The following CASK variants were observed in gnomAD, a reference collection of about 807,000 sequenced individuals.
CASK encodes the protein calcium/calmodulin dependent serine protein kinase.
Under a neutral mutation model 82.9 loss-of-function variants are expected in CASK, and 4 were observed. The observed-to-expected ratio is 0.05, with a 90% CI of 0.02 to 0.11. The LOEUF (loss-of-function observed/expected upper bound fraction) is 0.11, where lower values mean the gene tolerates loss of function less well. CASK is among the 10% of genes least tolerant of loss of function. CASK has a pLI of 1.00. For missense variants in CASK, 358 were observed against 720.9 expected (o/e 0.50, Z 5.76); for synonymous variants, 259 against 253.5 (o/e 1.02, Z -0.20).
intron 12 of CASK, among the ~76,000 whole-genome samples, chrX:41,592,757 T>C (rs754164081): frequency 1.1e-4 from 12 of 111,980 alleles, no homozygotes; most frequent in Non-Finnish European, 2.3e-4. Flanking sequence ...TATTGAGCAC[T>C]TACTAGATGA....
intron 5 of CASK, chrX:41,729,972 T>C (rs1416331113): frequency 8.6e-6 from 1 of 116,712 alleles, no homozygotes; most frequent in African/African-American, 3.4e-5. Flanking sequence ...TAAGTACATA[T>C]ATTATGATTA....
chrX:41,605,141 A>C (rs1459384235), intron 12 of CASK, among the ~76,000 whole-genome samples: 1 of 112,187 alleles, frequency 8.9e-6, no homozygotes, highest in Non-Finnish European at 1.9e-5. Context: ...CAGCCTTAAA[A>C]TTATGGCTTC....
intron 3 of CASK, among the ~76,000 whole-genome samples, chrX:41,784,489 T>C (rs1208876949): frequency 8.9e-6 from 1 of 111,815 alleles, no homozygotes; most frequent in Non-Finnish European, 1.9e-5. Flanking sequence ...GGCTGAGTGA[T>C]TTGACAATAA....
At chrX:41,551,879 CAAA>C (rs1192377020) in intron 21 of CASK, among the ~76,000 whole-genome samples, 1 of 23,336 alleles carries the variant, frequency 4.3e-5, no homozygotes. Context: ...GACTCCGTCT[CAAA>C]AAAAAAAAAA....
chrX:41,770,852 GA>G (rs1333954973), intron 3 of CASK, among the ~76,000 whole-genome samples: 31 of 108,863 alleles, frequency 2.8e-4, no homozygotes, highest in East Asian at 8.6e-4. Flanking sequence ...AAAGCATGGA[GA>G]AAAAAAAACA....
At chrX:41,695,787 T>A in intron 5 of CASK, 1 of 1,209,908 alleles carries the variant, frequency 8.3e-7, no homozygotes, top group Non-Finnish European at 1.1e-6. Flanking sequence ...GGATGAAAAA[T>A]TGCTATCTAC....
At chrX:41,829,191 C>T (rs1328538746) in intron 2 of CASK, among the ~76,000 whole-genome samples, 1 of 111,202 alleles carries the variant, frequency 9.0e-6, no homozygotes, top group African/African-American at 3.3e-5. Flanking sequence ...AAATGTACAG[C>T]TTGATGAATT....
chrX:41,575,951 T>C (rs1228554513), intron 15 of CASK, among the ~76,000 whole-genome samples: 1 of 110,044 alleles, frequency 9.1e-6, no homozygotes, highest in Admixed American at 9.7e-5. Context: ...TTTTATTCAG[T>C]CTATGTTTCT....
chrX:41,586,685 T>G (rs184721457), intron 14 of CASK: 67 of 386,037 alleles, frequency 1.7e-4, no homozygotes, highest in African/African-American at 1.4e-3. Flanking sequence ...ATGAGTACAG[T>G]CCCTGAAAAG....
chrX:41,520,652 A>G, intron 26 of CASK, 56 bp from the exon 27 acceptor site: 1 of 980,554 alleles, frequency 1.0e-6, no homozygotes. Context: ...AAAAGCAAAC[A>G]GAAGAGAGAA....
intron 4 of CASK, 23 bp downstream of exon 4, chrX:41,745,501 G>A: frequency 9.6e-7 from 1 of 1,045,249 alleles, no homozygotes; most frequent in Non-Finnish European, 1.3e-6. Context: ...TTGACCTCTG[G>A]TGATTAGATA....
At chrX:41,713,613 T>G (rs1296317236) in intron 5 of CASK, among the ~76,000 whole-genome samples, 1 of 111,909 alleles carries the variant, frequency 8.9e-6, no homozygotes. Context: ...AATGAAAACA[T>G]GAGCGTAATT....
At chrX:41,592,985 AT>A (rs2065769088) in intron 12 of CASK, among the ~76,000 whole-genome samples, 1 of 111,450 alleles carries the variant, frequency 9.0e-6, no homozygotes. Context: ...CTCAGACCAA[AT>A]TTTTTTCCAC....
At chrX:41,763,772 C>G (rs1304050485) in intron 3 of CASK, among the ~76,000 whole-genome samples, 1 of 112,223 alleles carries the variant, frequency 8.9e-6, no homozygotes, top group Non-Finnish European at 1.9e-5. Context: ...CTTCAATTCT[C>G]AGTATCACCT....
intron 18 of CASK, among the ~76,000 whole-genome samples, chrX:41,557,593 T>C (rs1428279283): frequency 3.6e-5 from 4 of 112,048 alleles, no homozygotes. Flanking sequence ...AGAATCTTTC[T>C]ATTATAGAAT....
chrX:41,810,003 A>C (rs2070233611), intron 2 of CASK, among the ~76,000 whole-genome samples: 1 of 112,368 alleles, frequency 8.9e-6, no homozygotes, highest in African/African-American at 3.2e-5. Context: ...CTGAAGATCA[A>C]ATGAATGAAA....
rs1467380702 is a variant in CASK at position 41,559,794 on chromosome X, C to T, written c.1722G>A (p.Gln574=). ...GAGTCATTACCTCACAGGACGAAGACTGAGTGCGGTAACTTGGCACAATCT... is the reference window on the plus strand; with the variant it reads ...GAGTCATTACCTCACAGGACGAAGATTGAGTGCGGTAACTTGGCACAATCT... ...TFKIVPSYRT[Q]SSSCERDSPS... is the part of the protein sequence containing the mutation. Residue 574 remains glutamine, a synonymous_variant, in exon 18 of 27, where the codon CAG becomes CAA. Transcript: ENST00000378163. The T allele has an allele frequency of 5.0e-6, 6 of 1,208,528 alleles. No individual in the cohort carries two copies. The Admixed American group carries it at 1.3e-4, about 26-fold the overall frequency.
intron 6 of CASK, among the ~76,000 whole-genome samples, chrX:41,670,848 T>C (rs972782265): frequency 1.8e-5 from 2 of 112,244 alleles, no homozygotes; most frequent in Non-Finnish European, 3.8e-5. Context: ...CTATAAGGAA[T>C]TGAGTTATAT....
chrX:41,604,412 G>A (rs1226205242), intron 12 of CASK, among the ~76,000 whole-genome samples: 1 of 104,672 alleles, frequency 9.6e-6, no homozygotes, highest in Admixed American at 1.1e-4. Flanking sequence ...AGAATGACAT[G>A]TGATGACGGA....
Sources: gnomAD v4.1 joint callset for allele counts (sites outside exome capture counted in the v4.1 genomes callset) on GRCh38, gnomAD v4.1.1 for gene constraint, MANE v1.5 for transcripts, NCBI Gene and HGNC (gene_info 2026-07-23, HGNC 2026-07-21) for gene names.